The following CTNNA2 variants were observed in gnomAD, a reference collection of about 807,000 sequenced individuals.
CTNNA2 encodes the protein catenin alpha-2.
Under a neutral mutation model 101.0 loss-of-function variants are expected in CTNNA2, and 42 were observed. The observed-to-expected ratio is 0.42, with a 90% CI of 0.32 to 0.54. CTNNA2 has a LOEUF of 0.54. Ranked by LOEUF, CTNNA2 falls within the 20% of genes least tolerant of loss-of-function variation. The pLI is 0.14. For synonymous variants in CTNNA2, 450 were observed against 456.4 expected, an observed-to-expected ratio of 0.99 and a Z score of 0.18; for missense variants, 871 against 1,223.1, an observed-to-expected ratio of 0.71 and a Z score of 4.29.
chr2:79,466,083 G>A (rs938831065), intron 4 of CTNNA2, among the ~76,000 whole-genome samples: 3 of 152,320 alleles, frequency 2.0e-5, no homozygotes, highest in African/African-American at 4.8e-5. Context: ...GAAGCAGGGC[G>A]AGGCATCGCC....
Position 80,160,468 on chromosome 2 carries a change from T to C in CTNNA2, c.1057-232743T>C, listed in dbSNP as rs926303022. Among the ~76,000 whole-genome samples, 16 of 152,322 alleles carry C rather than the reference T, an allele frequency of 1.1e-4. 1 individual carries two copies. Among genetic ancestry groups the C allele is most frequent in the African/African-American group, 3.8e-4 (16 of 41,596 alleles). On this transcript the variant is annotated intron_variant, in intron 7 of 18. Coordinates refer to ENST00000402739, the MANE Select transcript of CTNNA2 (RefSeq NM_001282597.3). ...CTCAATAGGTTTTTAATTCCTTTTA[T>C]CATCATTGCATAGTTTTCAGCCAAC...
chr2:80,421,717 G>A (rs1226841360), intron 9 of CTNNA2, among the ~76,000 whole-genome samples: 1 of 150,824 alleles, frequency 6.6e-6, no homozygotes, highest in East Asian at 2.0e-4. Context: ...TTAATGTCTT[G>A]ATGCCTAGGA....
Position 80,307,860 on chromosome 2 carries a change from G to A in CTNNA2, c.1057-85351G>A, listed in dbSNP as rs1009983552. ...GGCACTGAGGCCAGACCTCCAGTTT[G>A]GGGTAAGAAATGATAAGAATCTTGA... is the stretch of plus-strand genomic sequence containing the variant. On this transcript the variant is annotated intron_variant, in intron 7 of 18. Coordinates refer to ENST00000402739, the MANE Select transcript of CTNNA2 (RefSeq NM_001282597.3). 3.3e-5 allele frequency among the ~76,000 whole-genome samples: 5 copies of A among 152,284 alleles called. No homozygotes were observed. In the East Asian group the frequency reaches 9.7e-4, roughly 29 times the overall value.
chr2:80,385,342 C>A (rs568943757), intron 7 of CTNNA2, among the ~76,000 whole-genome samples: 2 of 151,740 alleles, frequency 1.3e-5, no homozygotes, highest in African/African-American at 4.9e-5. Context: ...TAAAAGAGAC[C>A]CCAGAGGACT....
chr2:79,552,435 T>G lies in CTNNA2; in HGVS notation c.-6+39228T>G, dbSNP rs140784382. ...GCACATGGTGCAAGCTGTCAGTAAA[T>G]CTACAATTCTGGAGTCTGGAGCATG... is the stretch of plus-strand genomic sequence containing the variant. On this transcript the variant is annotated intron_variant, in intron 1 of 18. Coordinates refer to ENST00000402739, the MANE Select transcript of CTNNA2 (RefSeq NM_001282597.3). 2.6e-5 allele frequency among the ~76,000 whole-genome samples: 4 copies of G among 152,184 alleles called. No homozygotes were observed. The East Asian group carries it at 7.8e-4, about 30-fold the overall frequency.
rs1223519981 is a variant in CTNNA2, at chr2:79,554,232, G to T, written c.-6+41025G>T. ...CTTTTTTTTTTTAAAACACAAATCT[G>T]TATTTGAAAGACTCAGAATACATGT... On this transcript the variant is annotated intron_variant, in intron 1 of 18. Coordinates refer to ENST00000402739, the MANE Select transcript of CTNNA2 (RefSeq NM_001282597.3). 3.3e-5 allele frequency among the ~76,000 whole-genome samples: 5 copies of T among 151,514 alleles called. No individual in the cohort carries two copies. In the East Asian group the frequency reaches 9.7e-4, roughly 29 times the overall value.
intron 4 of CTNNA2, among the ~76,000 whole-genome samples, chr2:79,401,652 A>G (rs556143239): frequency 1.6e-4 from 25 of 151,766 alleles, no homozygotes; most frequent in African/African-American, 6.0e-4. Flanking sequence ...TATACTAGAA[A>G]ATATCTAACA....
At position 80,555,782 on chromosome 2, in the gene CTNNA2, A is replaced by G. The variant is rs1692977637; in HGVS notation, c.1630A>G (p.Arg544Gly). 1.9e-6 allele frequency: 3 copies of G among 1,600,780 alleles called. No homozygotes were observed. Among genetic ancestry groups the G allele is most frequent in the Non-Finnish European group, 2.6e-6 (3 of 1,173,704 alleles). The change falls in exon 12 of 19, where the codon AGG becomes GGG. Residue 544 changes from arginine to glycine, a missense_variant. Coordinates refer to ENST00000402739, the MANE Select transcript of CTNNA2 (RefSeq NM_001282597.3). ...TCTGGACCGGACTGCAGGGGCCATC[A>G]GGGGCCGGGCAGCTCGAGTCATACA... is the stretch of plus-strand genomic sequence containing the variant. ...DTLDRTAGAI[R>G]GRAARVIHII...
intron 3 of CTNNA2, among the ~76,000 whole-genome samples, chr2:79,762,761 G>T (rs566634730): frequency 4.0e-4 from 61 of 152,220 alleles, no homozygotes; most frequent in African/African-American, 1.4e-3. Flanking sequence ...CTTTCAAGAA[G>T]AATATACATT....
intron 9 of CTNNA2, among the ~76,000 whole-genome samples, chr2:80,487,896 T>C (rs1362723486): frequency 6.6e-6 from 1 of 152,124 alleles, no homozygotes; most frequent in Non-Finnish European, 1.5e-5. Flanking sequence ...TTTTGATATA[T>C]TTTTTCTGTG....
upstream of CTNNA2, among the ~76,000 whole-genome samples, chr2:79,510,079 C>T (rs1671502674): frequency 1.3e-5 from 2 of 152,048 alleles, no homozygotes; most frequent in Admixed American, 1.3e-4. Context: ...CTTGGAGTAT[C>T]CTAAAAATCT....
intron 7 of CTNNA2, among the ~76,000 whole-genome samples, chr2:80,372,501 A>C (rs1247859823): frequency 2.0e-5 from 3 of 151,588 alleles, no homozygotes; most frequent in East Asian, 1.9e-4. Flanking sequence ...TCCTGGGTTT[A>C]TCTCTCACTC....
chr2:79,362,036 T>C lies in CTNNA2; in HGVS notation c.-317-11795T>C, dbSNP rs75683512. On this transcript the variant is annotated intron_variant, in intron 3 of 21. Transcript: ENST00000466387. ...ATTGACACAATATTAACCATCATAC[T>C]AGCCAAAATAATTTTAAAATTGCCT... Among the ~76,000 whole-genome samples, 394 of 152,308 alleles carry C rather than the reference T, an allele frequency of 2.6e-3. 1 individual carries two copies. Among genetic ancestry groups the C allele is most frequent in the African/African-American group, 8.9e-3 (369 of 41,574 alleles).
intron 3 of CTNNA2, among the ~76,000 whole-genome samples, chr2:79,340,630 G>A (rs569302500): frequency 6.6e-6 from 1 of 152,024 alleles, no homozygotes; most frequent in Non-Finnish European, 1.5e-5. Flanking sequence ...TCAGGAGATA[G>A]AGACCGTCCT....
At chr2:79,815,023 T>C (rs1677372984) in intron 3 of CTNNA2, among the ~76,000 whole-genome samples, 1 of 152,132 alleles carries the variant, frequency 6.6e-6, no homozygotes, top group African/African-American at 2.4e-5. Context: ...TCCCTAATTA[T>C]TGGTGATGTT....
chr2:79,197,783 T>G (rs1673980741), intron 1 of CTNNA2, among the ~76,000 whole-genome samples: 2 of 152,176 alleles, frequency 1.3e-5, no homozygotes, highest in South Asian at 2.1e-4. Flanking sequence ...TTGTTGTGGT[T>G]GTTGTTGTTG....
chr2:80,578,239 T>A (rs531506263), intron 13 of CTNNA2, among the ~76,000 whole-genome samples: 38 of 152,106 alleles, frequency 2.5e-4, no homozygotes, highest in African/African-American at 8.9e-4. Context: ...AAACATAAAA[T>A]AGTGGAACCA....
chr2:80,634,477 T>C (rs1672648089), intron 18 of CTNNA2, among the ~76,000 whole-genome samples: 1 of 152,202 alleles, frequency 6.6e-6, no homozygotes, highest in South Asian at 2.1e-4. Context: ...TATTTAGGAA[T>C]TGAGTTAATG....
intron 2 of CTNNA2, among the ~76,000 whole-genome samples, chr2:79,707,578 A>T (rs1306175126): frequency 1.3e-5 from 2 of 152,172 alleles, no homozygotes; most frequent in African/African-American, 4.8e-5. Flanking sequence ...AGTTCCTGTG[A>T]CTTTTTCTGC....
Sources: allele counts gnomAD v4.1 joint callset (sites outside exome capture counted in the v4.1 genomes callset), GRCh38; gene constraint gnomAD v4.1.1; transcripts MANE v1.5; gene names NCBI Gene and HGNC (gene_info 2026-07-23, HGNC 2026-07-21).